Variants in TOP2B observed in about 807,000 individuals in gnomAD.
The protein encoded by TOP2B is DNA topoisomerase 2-beta.
TOP2B carries 51 observed loss-of-function variants against 193.5 expected under a neutral mutation model. The observed-to-expected ratio is 0.26, with a 90% CI of 0.21 to 0.33. The LOEUF (loss-of-function observed/expected upper bound fraction) is 0.33, where lower values mean the gene tolerates loss of function less well. TOP2B is among the 10% of genes least tolerant of loss of function. The pLI, the probability that TOP2B is intolerant of heterozygous loss-of-function variation, is 1.00. For missense variants in TOP2B, 1,378 were observed against 1,909.3 expected, an observed-to-expected ratio of 0.72 and a Z score of 5.19; for synonymous variants, 634 against 635.7, an observed-to-expected ratio of 1.00 and a Z score of 0.04.
At chr3:25,652,720 C>T (rs888197124) in intron 1 of TOP2B, among the ~76,000 whole-genome samples, 2 of 151,906 alleles carry the variant, frequency 1.3e-5, no homozygotes, top group African/African-American at 2.4e-5. Flanking sequence ...CTCGAATTAA[C>T]AACCTAACTT....
chr3:25,655,613 C>T (rs1039838013), intron 1 of TOP2B, among the ~76,000 whole-genome samples: 24 of 152,024 alleles, frequency 1.6e-4, no homozygotes, highest in African/African-American at 5.1e-4. Context: ...TCATAATAGC[C>T]AAAAGGCGAG....
At chr3:25,616,385 A>G (rs1051370571) in intron 25 of TOP2B, among the ~76,000 whole-genome samples, 2 of 151,046 alleles carry the variant, frequency 1.3e-5, no homozygotes, top group African/African-American at 4.9e-5. Flanking sequence ...CCATAAAGCA[A>G]AAAGTTTACT....
At chr3:25,620,854 T>G (rs777907423) in intron 21 of TOP2B, 38 bp from the exon 22 acceptor site, 1 of 1,602,146 alleles carries the variant, frequency 6.2e-7, no homozygotes, top group South Asian at 1.1e-5. Context: ...ACTTCTCTCT[T>G]GAGTACCAGT....
Position 25,626,778 on chromosome 3 carries a change from T to C in TOP2B, c.2103A>G (p.Leu701=). 6.2e-7 allele frequency: 1 copy of C among 1,607,644 alleles called. No homozygotes were observed. Among genetic ancestry groups the C allele is most frequent in the Non-Finnish European group, 8.5e-7 (1 of 1,176,640 alleles). The change falls in exon 17 of 36, where the codon TTA becomes TTG. Residue 701 remains leucine, a synonymous_variant. Coordinates refer to ENST00000264331, the MANE Select transcript of TOP2B (RefSeq NM_001330700.2). ...ACCACTCTTTAAGACTAACCTCTGG[T>C]AAGCCATGTAGCCTACGCTGTCTCC... ...EDRRQRRLHG[L]PEQFLYGTAT...
chr3:25,618,554 A>G, intron 24 of TOP2B, 45 bp from the exon 25 acceptor site: 5 of 1,560,688 alleles, frequency 3.2e-6, no homozygotes, highest in Non-Finnish European at 4.4e-6. Flanking sequence ...AAGAGATTCA[A>G]TTTGTATTTG....
At position 25,599,467 on chromosome 3, in the gene TOP2B, G is replaced by C; in HGVS notation, c.4678C>G (p.Pro1560Ala). 3 of 1,613,486 alleles carry C rather than the reference G, an allele frequency of 1.9e-6. No individual in the cohort carries two copies. The highest frequency in any genetic ancestry group is 2.5e-6 in the Non-Finnish European group (3 of 1,179,640). ...SGSENEGDYN[P>A]GRKTSKTTSK... ...GTTGTTTTGGATGTTTTCCTGCCAG[G>C]GTTATAATCGCCTTCATTTTCAGAG... The change falls in exon 35 of 36, where the codon CCT (proline) becomes GCT (alanine). Residue 1560 changes from proline (P) to alanine (A), a missense_variant. By Grantham distance (27) the Pro-to-Ala change is conservative. Around this residue, in one of 9 missense-constraint regions of TOP2B, gnomAD observed 556 missense variants for 584.2 expected, o/e 0.95. Transcript: ENST00000264331.
intron 8 of TOP2B, 58 bp downstream of exon 8, chr3:25,633,783 G>T (rs1236407641): frequency 7.2e-7 from 1 of 1,392,546 alleles, no homozygotes; most frequent in Non-Finnish European, 9.5e-7. Context: ...TTGTTTTGTA[G>T]TTTTTATTGA....
intron 1 of TOP2B, among the ~76,000 whole-genome samples, chr3:25,653,878 T>G (rs1703670270): frequency 6.6e-6 from 1 of 152,168 alleles, no homozygotes; most frequent in South Asian, 2.1e-4. Context: ...TCAATTGATG[T>G]GCAAAAAGCA....
chr3:25,664,816 T>C lies in TOP2B; in HGVS notation c.-519A>G. The C allele has an allele frequency of 1.0e-6, 1 of 984,578 alleles. No individual in the cohort carries two copies. The highest frequency in any genetic ancestry group is 1.2e-6 in the Non-Finnish European group (1 of 827,664). 61.0% of individuals were successfully genotyped at this position (984,578 alleles called of 1,614,324 possible). ...TAGCCTCGCTGCAGCCCCGATTTCC[T>C]CACACACACACACCGAGAGGGACAA... On this transcript the variant is annotated 5_prime_UTR_variant, in exon 1 of 36. An upstream open reading frame in the 5' UTR loses its in-frame stop. Coordinates refer to ENST00000264331, the MANE Select transcript of TOP2B (RefSeq NM_001330700.2).
intron 1 of TOP2B, among the ~76,000 whole-genome samples, chr3:25,657,770 A>G (rs1703787093): frequency 6.6e-6 from 1 of 152,212 alleles, no homozygotes; most frequent in African/African-American, 2.4e-5. Context: ...TTTAAAAATA[A>G]TAATTCACCG....
At chr3:25,630,710 T>C (rs779511825) in intron 11 of TOP2B, 91 bp downstream of exon 11, 24 of 1,189,458 alleles carry the variant, frequency 2.0e-5, no homozygotes, top group Non-Finnish European at 2.7e-5. Context: ...TGGAAAATCA[T>C]AGTCTAACTA....
In TOP2B at chr3:25,620,789, T is replaced by C; in HGVS notation, c.2755A>G (p.Thr919Ala). Residue 919 changes from threonine (T) to alanine (A), a missense_variant, in exon 22 of 36, where the codon ACG (threonine) becomes GCG (alanine). Thr to Ala is a moderately conservative substitution (Grantham distance 58, BLOSUM62 0). Transcript: ENST00000264331. ...MLPNYKNFKG[T>A]IQELGQNQYA... Reference sequence around the variant, plus strand: ...TGGTTTTGACCAAGTTCTTGAATCGTGCCTTTAAAGTTTTTGTAGTTTGGA... The same window carrying C: ...TGGTTTTGACCAAGTTCTTGAATCGCGCCTTTAAAGTTTTTGTAGTTTGGA... The C allele has an allele frequency of 1.2e-6, 2 of 1,613,562 alleles. No individual in the cohort carries two copies. The highest frequency in any genetic ancestry group is 2.7e-5 in the African/African-American group (2 of 75,058).
chr3:25,648,561 A>G lies in TOP2B; in HGVS notation c.70-3091T>C, dbSNP rs975805738. 1.6e-4 allele frequency among the ~76,000 whole-genome samples: 24 copies of G among 152,240 alleles called. 1 individual carries two copies. Among genetic ancestry groups the G allele is most frequent in the Non-Finnish European group, 3.2e-4 (22 of 68,032 alleles). On this transcript the variant is annotated intron_variant, in intron 1 of 35. Coordinates refer to ENST00000264331, the MANE Select transcript of TOP2B (RefSeq NM_001330700.2). ...AGGGAAATACAGCCGATTCAATGTA[A>G]AAAACTAAATTGCAGCCAGGCGCAG...
intron 31 of TOP2B, 65 bp from the exon 32 acceptor site, chr3:25,606,187 A>T (rs1702233110): frequency 1.4e-6 from 1 of 733,504 alleles, no homozygotes; most frequent in Non-Finnish European, 2.1e-6. Context: ...ATCCTGATAA[A>T]TTATATATAA....
intron 1 of TOP2B, 133 bp downstream of exon 1, chr3:25,664,096 C>T: frequency 2.3e-6 from 3 of 1,325,708 alleles, no homozygotes; most frequent in Non-Finnish European, 3.1e-6. Flanking sequence ...ATTCTGCAAG[C>T]ACAGGCCCCT....
intron 30 of TOP2B, among the ~76,000 whole-genome samples, chr3:25,607,896 C>T (rs115525894): frequency 0.018 from 2,707 of 152,292 alleles, 86 homozygotes; most frequent in African/African-American, 0.06. Context: ...ATCCTCACCC[C>T]TCAGCCTGCT....
chr3:25,622,177 A>AT, intron 21 of TOP2B, among the ~76,000 whole-genome samples: 2 of 152,140 alleles, frequency 1.3e-5, no homozygotes, highest in Admixed American at 6.5e-5. Flanking sequence ...CACTTAGCAC[A>AT]GTTTCATACA....
intron 35 of TOP2B, 28 bp downstream of exon 35, chr3:25,599,407 A>G: frequency 1.9e-6 from 3 of 1,603,794 alleles, no homozygotes; most frequent in South Asian, 1.1e-5. Flanking sequence ...AAAGCCATGC[A>G]CTAATATGCA....
Position 25,627,314 on chromosome 3 carries a change from T to C in TOP2B, c.1907-18A>G. 6.7e-7 allele frequency: 1 copy of C among 1,486,790 alleles called. No individual in the cohort carries two copies. The highest frequency in any genetic ancestry group is 1.4e-5 in the African/African-American group (1 of 70,610). The allele number at this position is 1,486,790 out of a possible 1,614,324, so 92.1% of individuals were successfully genotyped here. On this transcript the variant is annotated intron_variant, in intron 15 of 35. Coordinates refer to ENST00000264331, the MANE Select transcript of TOP2B (RefSeq NM_001330700.2). Reference sequence around the variant, plus strand: ...ACCCAATCCTGCACAATTTTAAAAATAAAAGTGAGTCATGAATATCAATGT... The same window carrying C: ...ACCCAATCCTGCACAATTTTAAAAACAAAAGTGAGTCATGAATATCAATGT...
Sources: allele counts gnomAD v4.1 joint callset (sites outside exome capture counted in the v4.1 genomes callset), GRCh38; gene constraint gnomAD v4.1.1; regional missense constraint gnomAD v4.1.1; transcripts MANE v1.5; gene names NCBI Gene and HGNC (gene_info 2026-07-23, HGNC 2026-07-21).